Variants in ST6GALNAC5 observed in about 807,000 individuals in gnomAD.
ST6GALNAC5 encodes ST6 N-acetylgalactosaminide alpha-2,6-sialyltransferase 5.
A neutral mutation model predicts 33.6 loss-of-function variants in ST6GALNAC5; 27 were observed. That is an observed-to-expected ratio of 0.80 (90% CI 0.59 to 1.11). The LOEUF is 1.11. Ranked by LOEUF, ST6GALNAC5 falls within the 50% of genes least tolerant of loss-of-function variation. The pLI is 0.00. For synonymous variants in ST6GALNAC5, 194 were observed against 171.2 expected, an observed-to-expected ratio of 1.13 and a Z score of -1.04; for missense variants, 428 against 454.0, an observed-to-expected ratio of 0.94 and a Z score of 0.52.
intron 2 of ST6GALNAC5, among the ~76,000 whole-genome samples, chr1:76,936,992 G>A (rs1647213719): frequency 1.3e-5 from 2 of 150,966 alleles, no homozygotes; most frequent in African/African-American, 2.4e-5. Context: ...GTGTGTGTAT[G>A]TGTTAGAAAG....
chr1:76,910,110 C>T (rs543332136), intron 2 of ST6GALNAC5, among the ~76,000 whole-genome samples: 1 of 152,072 alleles, frequency 6.6e-6, no homozygotes, highest in South Asian at 2.1e-4. Context: ...TTTCAATTTG[C>T]TGAGACTAAG....
intron 2 of ST6GALNAC5, among the ~76,000 whole-genome samples, chr1:77,017,313 G>A (rs1477469261): frequency 6.6e-6 from 1 of 152,158 alleles, no homozygotes; most frequent in African/African-American, 2.4e-5. Context: ...AAGATATTAA[G>A]ATGACAGACA....
At chr1:76,905,933 T>C (rs1351253315) in intron 2 of ST6GALNAC5, among the ~76,000 whole-genome samples, 2 of 152,192 alleles carry the variant, frequency 1.3e-5, no homozygotes, top group Non-Finnish European at 2.9e-5. Context: ...GGTGTTAAGA[T>C]GGAGAAAGGT....
At chr1:76,957,874 G>A (rs1473114635) in intron 2 of ST6GALNAC5, among the ~76,000 whole-genome samples, 2 of 151,834 alleles carry the variant, frequency 1.3e-5, no homozygotes, top group Non-Finnish European at 2.9e-5. Context: ...TTGAATAAAG[G>A]ATCAAACATT....
intron 2 of ST6GALNAC5, among the ~76,000 whole-genome samples, chr1:76,880,412 T>C (rs1304626416): frequency 2.0e-5 from 3 of 152,188 alleles, no homozygotes; most frequent in African/African-American, 4.8e-5. Context: ...TACAAAAATC[T>C]GTATTAGTCA....
chr1:77,032,705 G>A (rs1407009365), intron 2 of ST6GALNAC5, among the ~76,000 whole-genome samples: 3 of 152,144 alleles, frequency 2.0e-5, no homozygotes, highest in Non-Finnish European at 4.4e-5. Flanking sequence ...TGACTCCCAA[G>A]CCAGTGCTCT....
intron 2 of ST6GALNAC5, among the ~76,000 whole-genome samples, chr1:76,875,029 T>C (rs1413056681): frequency 6.6e-6 from 1 of 152,224 alleles, no homozygotes; most frequent in African/African-American, 2.4e-5. Flanking sequence ...ATACATCTTA[T>C]GTCACATGAT....
At chr1:76,885,083 C>T (rs1653863921) in intron 2 of ST6GALNAC5, among the ~76,000 whole-genome samples, 1 of 152,068 alleles carries the variant, frequency 6.6e-6, no homozygotes, top group Non-Finnish European at 1.5e-5. Flanking sequence ...GGCGCCAGAC[C>T]TTACTTTATA....
At chr1:76,909,053 C>G (rs917058140) in intron 2 of ST6GALNAC5, among the ~76,000 whole-genome samples, 1 of 152,044 alleles carries the variant, frequency 6.6e-6, no homozygotes, top group African/African-American at 2.4e-5. Context: ...CTAATATTGC[C>G]TTAAGAAAGC....
intron 2 of ST6GALNAC5, among the ~76,000 whole-genome samples, chr1:76,974,137 C>A (rs1200112030): frequency 6.8e-6 from 1 of 146,786 alleles, no homozygotes. Flanking sequence ...AGATTGACAT[C>A]TTTTTTAAAT....
intron 2 of ST6GALNAC5, among the ~76,000 whole-genome samples, chr1:76,984,924 A>G (rs1358290664): frequency 1.3e-5 from 2 of 152,224 alleles, no homozygotes; most frequent in Admixed American, 1.3e-4. Context: ...CCACATGATT[A>G]TCTCAACAGA....
chr1:76,948,987 G>T (rs754999525), intron 2 of ST6GALNAC5, among the ~76,000 whole-genome samples: 6 of 152,100 alleles, frequency 3.9e-5, no homozygotes, highest in Admixed American at 6.5e-5. Flanking sequence ...CCATCCTGAG[G>T]CTGTGCTTCT....
In ST6GALNAC5 at chr1:77,029,817, G is replaced by T. The variant is rs149466927; in HGVS notation, c.262-14387G>T. 4.1e-4 allele frequency among the ~76,000 whole-genome samples: 62 copies of T among 152,328 alleles called. No individual in the cohort carries two copies. In the East Asian group the frequency reaches 8.7e-3, roughly 21 times the overall value. On this transcript the variant is annotated intron_variant, in intron 2 of 4. Coordinates refer to ENST00000477717, the MANE Select transcript of ST6GALNAC5 (RefSeq NM_030965.3). ...AACAACATAAGCACAGTCCCATTTA[G>T]CACCAAATCTTATTTGTCTAAATTA...
chr1:76,961,650 G>A (rs768845325), intron 2 of ST6GALNAC5, among the ~76,000 whole-genome samples: 19 of 152,130 alleles, frequency 1.2e-4, no homozygotes, highest in South Asian at 2.1e-4. Context: ...TGCATATGCC[G>A]TTCCCACTCC....
chr1:76,980,363 T>C (rs1401157246), intron 2 of ST6GALNAC5, among the ~76,000 whole-genome samples: 2 of 152,234 alleles, frequency 1.3e-5, no homozygotes, highest in Admixed American at 1.3e-4. Context: ...ATTTTTTGCA[T>C]TGATGATACT....
At chr1:77,015,424 A>G (rs1157882475) in intron 2 of ST6GALNAC5, among the ~76,000 whole-genome samples, 2 of 152,172 alleles carry the variant, frequency 1.3e-5, no homozygotes, top group Admixed American at 1.3e-4. Flanking sequence ...TCATCCAGAA[A>G]CACCCTCAAG....
intron 2 of ST6GALNAC5, among the ~76,000 whole-genome samples, chr1:76,991,471 A>C (rs1196075972): frequency 6.6e-6 from 1 of 152,160 alleles, no homozygotes; most frequent in Non-Finnish European, 1.5e-5. Context: ...GAAAATCATC[A>C]AGCTTTTATT....
At chr1:76,871,239 T>C (rs1003979523) in intron 2 of ST6GALNAC5, 5 of 152,206 alleles carry the variant, frequency 3.3e-5, no homozygotes, top group African/African-American at 1.2e-4. Flanking sequence ...TGATACTCGA[T>C]TGCTAATTTT....
At chr1:77,059,574 A>C (rs1652508972) in intron 4 of ST6GALNAC5, among the ~76,000 whole-genome samples, 2 of 152,184 alleles carry the variant, frequency 1.3e-5, no homozygotes, top group African/African-American at 4.8e-5. Context: ...AACCTTCATC[A>C]CTTGGTTAAG....
Sources: gnomAD v4.1 joint callset for allele counts (sites outside exome capture counted in the v4.1 genomes callset) on GRCh38, gnomAD v4.1.1 for gene constraint, MANE v1.5 for transcripts, NCBI Gene and HGNC (gene_info 2026-07-23, HGNC 2026-07-21) for gene names.